Variants in KAZN observed in about 807,000 individuals in gnomAD.
KAZN encodes kazrin, periplakin interacting protein, also known as kazrin.
In KAZN, 40 loss-of-function variants were observed where a neutral mutation model predicts 87.4. The observed-to-expected ratio is 0.46, with a 90% CI of 0.36 to 0.60. KAZN has a LOEUF of 0.60. Among genes scored for constraint, KAZN ranks in the 20% least tolerant of loss-of-function variants. KAZN has a pLI of 0.00. For missense variants in KAZN, 898 were observed against 1,073.9 expected, an observed-to-expected ratio of 0.84 and a Z score of 2.29; for synonymous variants, 466 against 458.3, an observed-to-expected ratio of 1.02 and a Z score of -0.22.
At chr1:14,353,260 T>A (rs1313464291) in intron 2 of KAZN, among the ~76,000 whole-genome samples, 1 of 150,362 alleles carries the variant, frequency 6.7e-6, no homozygotes, top group African/African-American at 2.5e-5. Context: ...AGTCTGGCTG[T>A]GTCACCCAGG....
At chr1:14,464,536 T>C (rs1668013254) in intron 2 of KAZN, among the ~76,000 whole-genome samples, 1 of 150,734 alleles carries the variant, frequency 6.6e-6, no homozygotes, top group African/African-American at 2.5e-5. Context: ...TAATTTCTTT[T>C]TTTTTTCTTT....
At chr1:14,262,590 C>T (rs1037738606) in intron 2 of KAZN, among the ~76,000 whole-genome samples, 3 of 152,226 alleles carry the variant, frequency 2.0e-5, no homozygotes, top group Non-Finnish European at 4.4e-5. Flanking sequence ...GGTCACCTGC[C>T]TTGAACACTG....
At chr1:14,286,565 C>T (rs1216800560) in intron 2 of KAZN, among the ~76,000 whole-genome samples, 1 of 152,162 alleles carries the variant, frequency 6.6e-6, no homozygotes, top group Non-Finnish European at 1.5e-5. Context: ...TAAATATTAG[C>T]CATTATTACA....
chr1:14,736,304 T>TG (rs201679446), intron 1 of KAZN, among the ~76,000 whole-genome samples: 4 of 134,496 alleles, frequency 3.0e-5, no homozygotes, highest in African/African-American at 1.3e-4. Context: ...TGTGTGTATA[T>TG]TTTTTTTTTT....
At chr1:14,105,058 A>G (rs1644337889) in intron 1 of KAZN, among the ~76,000 whole-genome samples, 1 of 152,180 alleles carries the variant, frequency 6.6e-6, no homozygotes, top group Non-Finnish European at 1.5e-5. Context: ...TCTGTGTCTC[A>G]AGGGATACAC....
At chr1:14,951,744 C>T (rs562810347) in intron 1 of KAZN, among the ~76,000 whole-genome samples, 8 of 152,240 alleles carry the variant, frequency 5.3e-5, no homozygotes, top group Non-Finnish European at 1.2e-4. Context: ...TCCCAAAGTG[C>T]TGGGATTAAG....
chr1:15,107,245 A>G (rs1641328198), intron 13 of KAZN, among the ~76,000 whole-genome samples: 1 of 152,194 alleles, frequency 6.6e-6, no homozygotes, highest in South Asian at 2.1e-4. Context: ...AAGCTTACAG[A>G]GATGGGAGAA....
At chr1:14,432,526 G>A (rs992955152) in intron 2 of KAZN, among the ~76,000 whole-genome samples, 11 of 152,018 alleles carry the variant, frequency 7.2e-5, no homozygotes, top group South Asian at 2.1e-4. Flanking sequence ...GAATCATTGC[G>A]ATTGGCTGTG....
intron 1 of KAZN, among the ~76,000 whole-genome samples, chr1:14,776,933 CAAAAAAAAAA>C (rs56275592): frequency 1.8e-5 from 2 of 113,132 alleles, no homozygotes; most frequent in African/African-American, 6.9e-5. Context: ...TACCCTGTCT[CAAAAAAAAAA>C]AAAAAAAAAA....
At chr1:14,724,089 G>A (rs1643259699) in intron 1 of KAZN, among the ~76,000 whole-genome samples, 1 of 152,176 alleles carries the variant, frequency 6.6e-6, no homozygotes, top group Admixed American at 6.5e-5. Flanking sequence ...TTTCTTAAAA[G>A]CCACAAACAA....
At chr1:13,982,436 GCTGA>G (rs997414842) in intron 1 of KAZN, among the ~76,000 whole-genome samples, 6 of 152,316 alleles carry the variant, frequency 3.9e-5, no homozygotes, top group Admixed American at 2.6e-4. Context: ...CGACTTTCGC[GCTGA>G]GTGTTACAGC....
At chr1:14,851,684 C>T (rs1046051610) in intron 1 of KAZN, among the ~76,000 whole-genome samples, 2 of 152,232 alleles carry the variant, frequency 1.3e-5, no homozygotes, top group African/African-American at 2.4e-5. Flanking sequence ...CTCTCTGGGC[C>T]TCAGTCTTCT....
chr1:14,991,551 T>G (rs1667359297), intron 2 of KAZN, among the ~76,000 whole-genome samples: 1 of 152,200 alleles, frequency 6.6e-6, no homozygotes, highest in African/African-American at 2.4e-5. Flanking sequence ...TCACTCTAGA[T>G]GCCTGGGATG....
chr1:14,723,716 G>T (rs1643238525), intron 1 of KAZN, among the ~76,000 whole-genome samples: 1 of 152,222 alleles, frequency 6.6e-6, no homozygotes. Flanking sequence ...GGAAGTGGGA[G>T]TGCAGTGACT....
intron 1 of KAZN, among the ~76,000 whole-genome samples, chr1:14,613,877 C>T (rs901440615): frequency 4.6e-5 from 7 of 152,126 alleles, no homozygotes; most frequent in Admixed American, 2.6e-4. Context: ...AGTCTTCTGC[C>T]GATTTTAAGG....
At chr1:14,723,582 G>C (rs546454694) in intron 1 of KAZN, among the ~76,000 whole-genome samples, 15 of 152,312 alleles carry the variant, frequency 9.8e-5, no homozygotes, top group Admixed American at 3.9e-4. Context: ...TCTACTGCCT[G>C]GGACAAAAGG....
intron 2 of KAZN, among the ~76,000 whole-genome samples, chr1:14,356,581 C>G (rs1659046743): frequency 6.6e-6 from 1 of 152,094 alleles, no homozygotes; most frequent in South Asian, 2.1e-4. Context: ...AGTCTTTAAT[C>G]CATCTTGAGT....
chr1:14,044,067 G>T (rs966030376), intron 1 of KAZN, among the ~76,000 whole-genome samples: 4 of 151,884 alleles, frequency 2.6e-5, no homozygotes, highest in African/African-American at 7.3e-5. Context: ...CACTCAAATG[G>T]CTTCTTCAAT....
rs970949396 is a variant in KAZN at position 14,360,551 on chromosome 1, G to T, written c.249+179959G>T. Among the ~76,000 whole-genome samples, 2 of 152,056 alleles carry T rather than the reference G, an allele frequency of 1.3e-5. 1 individual carries two copies. Among genetic ancestry groups the T allele is most frequent in the South Asian group, 4.2e-4 (2 of 4,818 alleles). Reference sequence around the variant, plus strand: ...GGTTTTTGGAATTTTCAGCCTTTTTGTGCATTTTTTTTTAATCTTCGTGGA... The same window carrying T: ...GGTTTTTGGAATTTTCAGCCTTTTTTTGCATTTTTTTTTAATCTTCGTGGA... On this transcript the variant is annotated intron_variant, in intron 2 of 16. Transcript: ENST00000636203.
Sources: allele counts gnomAD v4.1 joint callset (sites outside exome capture counted in the v4.1 genomes callset), GRCh38; gene constraint gnomAD v4.1.1; transcripts MANE v1.5; gene names NCBI Gene and HGNC (gene_info 2026-07-23, HGNC 2026-07-21).